FAM107B: variants seen among roughly 807,000 people sequenced by gnomAD.
The protein encoded by FAM107B is family with sequence similarity 107 member B.
FAM107B carries 21 observed loss-of-function variants against 31.5 expected under a neutral mutation model. The ratio of observed to expected loss-of-function variants is 0.67; its 90% CI spans 0.47 to 0.96. FAM107B has a LOEUF of 0.96. FAM107B is among the 40% of genes least tolerant of loss of function. The probability of loss-of-function intolerance (pLI) is 0.00; values close to 1 mark genes in which losing one functional copy is unlikely to be tolerated. For synonymous variants in FAM107B, 157 were observed against 141.5 expected, an observed-to-expected ratio of 1.11 and a Z score of -0.78; for missense variants, 452 against 377.1, an observed-to-expected ratio of 1.20 and a Z score of -1.64.
At chr10:14,759,449 G>C (rs1244483516) in intron 1 of FAM107B, among the ~76,000 whole-genome samples, 1 of 152,038 alleles carries the variant, frequency 6.6e-6, no homozygotes, top group East Asian at 1.9e-4. Context: ...CCTCTCCTGG[G>C]CTGCCAGGCA....
intron 1 of FAM107B, among the ~76,000 whole-genome samples, chr10:14,693,843 G>C (rs1311784230): frequency 6.6e-6 from 1 of 152,128 alleles, no homozygotes; most frequent in Admixed American, 6.5e-5. Flanking sequence ...CCATATGTAA[G>C]TGACCATGTA....
chr10:14,734,350 A>G (rs556117939), intron 1 of FAM107B, among the ~76,000 whole-genome samples: 1 of 152,204 alleles, frequency 6.6e-6, no homozygotes, highest in East Asian at 1.9e-4. Context: ...ATCCTGACCT[A>G]TAGGGAGTTG....
At chr10:14,534,650 G>A (rs11259162) in intron 2 of FAM107B, 3,505 of 151,772 alleles carry the variant, frequency 0.023, 56 homozygotes, top group Non-Finnish European at 0.035. Flanking sequence ...CCGCAGCCCC[G>A]GATCTCCACA....
chr10:14,571,329 G>A (rs11594271), intron 2 of FAM107B, among the ~76,000 whole-genome samples: 1 of 151,976 alleles, frequency 6.6e-6, no homozygotes, highest in Admixed American at 6.6e-5. Context: ...TATATTATCA[G>A]GCCTACAATC....
intron 2 of FAM107B, among the ~76,000 whole-genome samples, chr10:14,631,801 C>A (rs1321688868): frequency 6.6e-6 from 1 of 152,170 alleles, no homozygotes. Context: ...GGCTGGCTAC[C>A]CAGGTTGTGA....
At chr10:14,712,509 G>A (rs1301260453) in intron 1 of FAM107B, among the ~76,000 whole-genome samples, 3 of 148,316 alleles carry the variant, frequency 2.0e-5, no homozygotes, top group Middle Eastern at 3.2e-3. Flanking sequence ...CAGGAGAATC[G>A]TTTGAACCCG....
chr10:14,655,533 C>T (rs1854026618), intron 2 of FAM107B, among the ~76,000 whole-genome samples: 1 of 152,208 alleles, frequency 6.6e-6, no homozygotes, highest in Non-Finnish European at 1.5e-5. Context: ...GATTCTCCTG[C>T]CTCAGCCTCC....
At chr10:14,686,186 C>T (rs1158729545) in intron 1 of FAM107B, among the ~76,000 whole-genome samples, 3 of 152,016 alleles carry the variant, frequency 2.0e-5, no homozygotes, top group Non-Finnish European at 4.4e-5. Flanking sequence ...GTCAGGAGTT[C>T]GAGACCAGCC....
At chr10:14,755,611 A>T (rs542224844) in intron 1 of FAM107B, among the ~76,000 whole-genome samples, 45 of 152,280 alleles carry the variant, frequency 3.0e-4, no homozygotes, top group Non-Finnish European at 6.2e-4. Context: ...ATTCCCTTGT[A>T]ACTATTCTCT....
chr10:14,638,566 T>C (rs1428960638), intron 2 of FAM107B, among the ~76,000 whole-genome samples: 1 of 152,220 alleles, frequency 6.6e-6, no homozygotes, highest in Non-Finnish European at 1.5e-5. Context: ...TTGGAGGTCT[T>C]ATCTTGACAT....
intron 2 of FAM107B, among the ~76,000 whole-genome samples, chr10:14,604,866 A>G (rs764258374): frequency 4.0e-5 from 6 of 148,678 alleles, no homozygotes; most frequent in Non-Finnish European, 7.4e-5. Flanking sequence ...CCTCATTCTC[A>G]TTCTCTTTCA....
chr10:14,678,794 C>A (rs183609487), intron 1 of FAM107B, among the ~76,000 whole-genome samples: 1 of 152,332 alleles, frequency 6.6e-6, no homozygotes, highest in East Asian at 1.9e-4. Flanking sequence ...CTTCTGTGTC[C>A]TCAGCCCTCA....
chr10:14,608,799 G>T (rs1181324827), intron 2 of FAM107B, among the ~76,000 whole-genome samples: 2 of 152,212 alleles, frequency 1.3e-5, no homozygotes, highest in Non-Finnish European at 1.5e-5. Flanking sequence ...CCCCCTTGAT[G>T]GTAGAAGCAG....
chr10:14,623,718 C>T (rs1336359315), intron 2 of FAM107B, among the ~76,000 whole-genome samples: 2 of 152,102 alleles, frequency 1.3e-5, no homozygotes, highest in Non-Finnish European at 2.9e-5. Flanking sequence ...CCCAGCTACT[C>T]AGGAGGCTGA....
chr10:14,739,853 A>G (rs991429270), intron 1 of FAM107B, among the ~76,000 whole-genome samples: 11 of 152,178 alleles, frequency 7.2e-5, no homozygotes, highest in African/African-American at 2.4e-4. Flanking sequence ...AAAAGCCGAG[A>G]CACAGAAGGA....
rs925484408 is a variant in FAM107B at position 14,520,326 on chromosome 10, G to A, written c.*864C>T. ...TCTTGGAGAAATGAAAAGATGTGGC[G>A]GCTTCTACTTTTGCTACTGAAGCTG... On this transcript the variant is annotated 3_prime_UTR_variant, in exon 5 of 5. Coordinates refer to ENST00000181796, the MANE Select transcript of FAM107B (RefSeq NM_031453.4). 2.0e-5 allele frequency: 3 copies of A among 152,132 alleles called. No individual in the cohort carries two copies. Among genetic ancestry groups the A allele is most frequent in the Non-Finnish European group, 1.5e-5 (1 of 68,042 alleles). 9.4% of individuals were successfully genotyped at this position (152,132 alleles called of 1,614,324 possible). A position where few individuals can be genotyped will look rare whatever the true frequency, so the allele number is the denominator to read the frequency against.
chr10:14,729,810 C>T (rs2688862), intron 1 of FAM107B, among the ~76,000 whole-genome samples: 106,378 of 152,044 alleles, frequency 0.7, 38,136 homozygotes, highest in African/African-American at 0.88. Context: ...AATGATAGAC[C>T]GGATTAAGAC....
intron 1 of FAM107B, among the ~76,000 whole-genome samples, chr10:14,773,073 G>T (rs1312153751): frequency 1.3e-5 from 2 of 152,042 alleles, no homozygotes; most frequent in African/African-American, 4.8e-5. Context: ...GAAAATTTTG[G>T]TTTTTGCTGG....
intron 2 of FAM107B, among the ~76,000 whole-genome samples, chr10:14,632,086 CAGG>C (rs1564608074): frequency 6.7e-6 from 1 of 149,134 alleles, no homozygotes; most frequent in Admixed American, 6.7e-5. Context: ...CACCTGAGGT[CAGG>C]AGTTCAAGAC....
Sources: allele counts gnomAD v4.1 joint callset (sites outside exome capture counted in the v4.1 genomes callset), GRCh38; gene constraint gnomAD v4.1.1; transcripts MANE v1.5; gene names NCBI Gene and HGNC (gene_info 2026-07-23, HGNC 2026-07-21).